The following AMZ1 variants were observed in gnomAD, a reference collection of about 807,000 sequenced individuals.
The protein encoded by AMZ1 is archaemetzincin-1.
AMZ1 carries 39 observed loss-of-function variants against 29.9 expected under a neutral mutation model. That is an observed-to-expected ratio of 1.30 (90% confidence interval 1.01 to 1.70). AMZ1 has a LOEUF of 1.70. Among genes scored for constraint, AMZ1 ranks in the 40% most tolerant of loss-of-function variants. The pLI is 0.00. For missense variants in AMZ1, 1,041 were observed against 680.6 expected, an observed-to-expected ratio of 1.53 and a Z score of -5.89; for synonymous variants, 458 against 304.0, an observed-to-expected ratio of 1.51 and a Z score of -5.27.
intron 3 of AMZ1, among the ~76,000 whole-genome samples, chr7:2,704,762 AT>A (rs1301201735): frequency 6.6e-6 from 1 of 151,408 alleles, no homozygotes; most frequent in African/African-American, 2.4e-5. Flanking sequence ...GTGCCTGGCT[AT>A]TTTTTTGCAT....
At position 2,712,696 on chromosome 7, in the gene AMZ1, C is replaced by G. The variant is rs111981479; in HGVS notation, c.1315C>G (p.Arg439Gly). The G allele has an allele frequency of 5.0e-6, 8 of 1,611,758 alleles. No individual in the cohort carries two copies. Among genetic ancestry groups the G allele is most frequent in the Admixed American group, 1.7e-5 (1 of 59,868 alleles). Residue 439 changes from arginine (R) to glycine (G), a missense_variant, in exon 7 of 7, where the codon CGC (arginine) becomes GGC (glycine). Arg to Gly is a moderately radical substitution (Grantham distance 125). Coordinates refer to ENST00000683327, the MANE Select transcript of AMZ1 (RefSeq NM_001384743.1). ...QVDRAVDALD[R>G]WEMFTGQLPA... ...GGACAGAGCCGTGGACGCCCTCGACCGCTGGGAGATGTTCACGGGCCAGCT... is the reference window on the plus strand; with the variant it reads ...GGACAGAGCCGTGGACGCCCTCGACGGCTGGGAGATGTTCACGGGCCAGCT...
At chr7:2,697,127 G>C (rs1029261533) in intron 1 of AMZ1, among the ~76,000 whole-genome samples, 3 of 152,188 alleles carry the variant, frequency 2.0e-5, no homozygotes, top group African/African-American at 4.8e-5. Context: ...TTTTGAGACA[G>C]AGCCTTGCTG....
At chr7:2,752,377 G>A (rs1041125395) in intron 4 of AMZ1, among the ~76,000 whole-genome samples, 2 of 152,180 alleles carry the variant, frequency 1.3e-5, no homozygotes, top group African/African-American at 4.8e-5. Flanking sequence ...CTAACACTGG[G>A]TGTAAGGCAA....
At chr7:2,694,106 C>A (rs755967132) in intron 1 of AMZ1, among the ~76,000 whole-genome samples, 1 of 152,154 alleles carries the variant, frequency 6.6e-6, no homozygotes. Context: ...CGTTCCTGGG[C>A]GTGTCTGTGA....
chr7:2,749,134 C>T (rs1790905014), intron 4 of AMZ1, among the ~76,000 whole-genome samples: 1 of 152,130 alleles, frequency 6.6e-6, no homozygotes, highest in Admixed American at 6.6e-5. Flanking sequence ...CTAGAAATAC[C>T]ATTGGACCCA....
rs181195551 is a variant in AMZ1, at chr7:2,716,688, G to A, written c.*3810G>A. ...CAGGCAGGGACGGCCAGGCCTCGGAGAGAGGGACCGGCTGCCCTGCCCAAG... is the reference window on the plus strand; with the variant it reads ...CAGGCAGGGACGGCCAGGCCTCGGAAAGAGGGACCGGCTGCCCTGCCCAAG... On this transcript the variant is annotated 3_prime_UTR_variant, in exon 7 of 7. Transcript: ENST00000683327. Among the ~76,000 whole-genome samples, 13 of 152,358 alleles carry A rather than the reference G, an allele frequency of 8.5e-5. No homozygotes were observed. The highest frequency in any genetic ancestry group is 4.1e-4 in the South Asian group (2 of 4,828).
chr7:2,710,771 G>T (rs1486342814), intron 6 of AMZ1, among the ~76,000 whole-genome samples: 1 of 152,092 alleles, frequency 6.6e-6, no homozygotes, highest in Non-Finnish European at 1.5e-5. Flanking sequence ...CTGTGACTTG[G>T]GGGGAACCCA....
chr7:2,752,296 T>C (rs567166206), intron 4 of AMZ1, among the ~76,000 whole-genome samples: 53 of 152,284 alleles, frequency 3.5e-4, no homozygotes, highest in Admixed American at 1.1e-3. Context: ...TTCCTCAGTT[T>C]GATAAAGGGC....
At chr7:2,701,245 C>T (rs956711246) in intron 2 of AMZ1, among the ~76,000 whole-genome samples, 1 of 152,088 alleles carries the variant, frequency 6.6e-6, no homozygotes, top group African/African-American at 2.4e-5. Context: ...AAAAAGACCA[C>T]TTTCTCTTTG....
chr7:2,738,972 C>A (rs574562639), intron 4 of AMZ1, among the ~76,000 whole-genome samples: 1 of 152,308 alleles, frequency 6.6e-6, no homozygotes, highest in South Asian at 2.1e-4. Flanking sequence ...GCCTGGCACA[C>A]AGCCACCCCT....
rs187453111 is a variant in AMZ1, at chr7:2,712,993, G to A, written c.*115G>A. 97 of 1,184,504 alleles carry A rather than the reference G, an allele frequency of 8.2e-5. No homozygotes were observed. The African/African-American group carries it at 1.5e-3, about 18-fold the overall frequency. 73.4% of individuals were successfully genotyped at this position (1,184,504 alleles called of 1,614,324 possible). A position where few individuals can be genotyped will look rare whatever the true frequency, so the allele number is the denominator to read the frequency against. On this transcript the variant is annotated 3_prime_UTR_variant, in exon 7 of 7. Transcript: ENST00000683327. ...AAGAGGAAGGGTCTGCCTGGGTGGTGGCTCAGGCCTGTCATCCCATCACTT... is the reference window on the plus strand; with the variant it reads ...AAGAGGAAGGGTCTGCCTGGGTGGTAGCTCAGGCCTGTCATCCCATCACTT...
Position 2,712,738 on chromosome 7 carries a change from G to A in AMZ1, c.1357G>A (p.Asp453Asn). The A allele has an allele frequency of 6.2e-7, 1 of 1,606,478 alleles. No individual in the cohort carries two copies. The highest frequency in any genetic ancestry group is 8.5e-7 in the Non-Finnish European group (1 of 1,175,854). The stretch of plus-strand genomic sequence containing the variant: ...GGGCCAGCTCCCGGCCACCAGGCAG[G>A]ACCCACCCAGCAGCAGGGACAGCGT... ...FTGQLPATRQ[D>N]PPSSRDSVGL... Residue 453 changes from aspartate to asparagine, a missense_variant, in exon 7 of 7, where the codon GAC becomes AAC. By Grantham distance (23) the Asp-to-Asn change is conservative. Transcript: ENST00000683327.
chr7:2,744,367 C>A (rs545177358), intron 4 of AMZ1, among the ~76,000 whole-genome samples: 126 of 152,284 alleles, frequency 8.3e-4, no homozygotes, highest in African/African-American at 3.0e-3. Context: ...TCACCAATAT[C>A]CGCTGTTCTG....
intron 4 of AMZ1, among the ~76,000 whole-genome samples, chr7:2,737,509 G>A (rs1367129487): frequency 1.3e-5 from 2 of 151,882 alleles, no homozygotes; most frequent in Non-Finnish European, 2.9e-5. Context: ...GGCTGGTCTC[G>A]AACTCCTGAC....
At chr7:2,698,399 A>G (rs1787861298) in intron 1 of AMZ1, among the ~76,000 whole-genome samples, 1 of 151,692 alleles carries the variant, frequency 6.6e-6, no homozygotes, top group South Asian at 2.1e-4. Context: ...TTAGCCTAGC[A>G]TGGTCGGGGG....
downstream of AMZ1, among the ~76,000 whole-genome samples, chr7:2,720,028 G>A (rs185427619): frequency 4.0e-4 from 61 of 152,322 alleles, no homozygotes; most frequent in East Asian, 0.01. Flanking sequence ...ATGAAATTCT[G>A]GAAGGCTAAA....
chr7:2,683,032 G>A (rs1361615103), intron 1 of AMZ1, among the ~76,000 whole-genome samples: 2 of 152,238 alleles, frequency 1.3e-5, no homozygotes, highest in African/African-American at 4.8e-5. Context: ...GAGAGGCCAA[G>A]CCCCTGTTCT....
At chr7:2,743,666 C>A (rs573585782) in intron 4 of AMZ1, among the ~76,000 whole-genome samples, 2 of 152,168 alleles carry the variant, frequency 1.3e-5, no homozygotes, top group African/African-American at 4.8e-5. Flanking sequence ...GTTCATCTCA[C>A]TGGGGTGTGC....
At chr7:2,688,558 A>G (rs779949275) in intron 1 of AMZ1, among the ~76,000 whole-genome samples, 5 of 152,088 alleles carry the variant, frequency 3.3e-5, no homozygotes, top group Non-Finnish European at 5.9e-5. Flanking sequence ...GGGAAGGGCC[A>G]CGCGCCCCCT....
Sources: allele counts gnomAD v4.1 joint callset (sites outside exome capture counted in the v4.1 genomes callset), GRCh38; gene constraint gnomAD v4.1.1; transcripts MANE v1.5; gene names NCBI Gene and HGNC (gene_info 2026-07-23, HGNC 2026-07-21).